The following NALF1 variants were observed in gnomAD, a reference collection of about 807,000 sequenced individuals.
NALF1 encodes the protein NALCN channel auxiliary factor 1.
Under a neutral mutation model 48.4 loss-of-function variants are expected in NALF1, and 3 were observed. The ratio of observed to expected loss-of-function variants is 0.06; its 90% CI spans 0.03 to 0.16. The LOEUF is 0.16. NALF1 is among the 10% of genes least tolerant of loss of function. The pLI is 1.00. For missense variants in NALF1, 526 were observed against 571.5 expected, an observed-to-expected ratio of 0.92 and a Z score of 0.81; for synonymous variants, 262 against 245.7, an observed-to-expected ratio of 1.07 and a Z score of -0.62.
intron 2 of NALF1, among the ~76,000 whole-genome samples, chr13:107,200,967 G>A (rs1201260083): frequency 1.3e-5 from 2 of 152,086 alleles, no homozygotes; most frequent in Non-Finnish European, 2.9e-5. Flanking sequence ...GGGGCCAGGG[G>A]GACCGAGTGA....
chr13:107,820,202 G>C (rs1027318469), intron 1 of NALF1, among the ~76,000 whole-genome samples: 11 of 152,200 alleles, frequency 7.2e-5, no homozygotes, highest in African/African-American at 2.7e-4. Context: ...GCCACAGATA[G>C]TATTCTGCAT....
chr13:107,721,979 T>C (rs79897111), intron 1 of NALF1, among the ~76,000 whole-genome samples: 2 of 152,084 alleles, frequency 1.3e-5, no homozygotes, highest in African/African-American at 2.4e-5. Flanking sequence ...TCACTGAGGG[T>C]TCCCCCCCTC....
intron 1 of NALF1, among the ~76,000 whole-genome samples, chr13:107,653,666 A>C (rs1031877591): frequency 1.9e-4 from 29 of 152,002 alleles, no homozygotes; most frequent in African/African-American, 7.0e-4. Context: ...AATCTATGAG[A>C]GATGACCTTC....
At chr13:107,721,844 T>G (rs1875995780) in intron 1 of NALF1, among the ~76,000 whole-genome samples, 1 of 152,330 alleles carries the variant, frequency 6.6e-6, no homozygotes, top group East Asian at 1.9e-4. Flanking sequence ...AGATCTGATT[T>G]CTGATGTCTG....
intron 1 of NALF1, among the ~76,000 whole-genome samples, chr13:107,711,126 C>G (rs1875577815): frequency 1.3e-5 from 2 of 152,116 alleles, no homozygotes; most frequent in African/African-American, 4.8e-5. Context: ...ACTCACAGAT[C>G]TATTTCAGAA....
intron 1 of NALF1, among the ~76,000 whole-genome samples, chr13:107,432,414 C>T (rs1036256691): frequency 3.9e-4 from 59 of 152,290 alleles, no homozygotes; most frequent in Middle Eastern, 3.4e-3. Flanking sequence ...ATCAGTGCCT[C>T]TCAACCTTGG....
intron 1 of NALF1, among the ~76,000 whole-genome samples, chr13:107,819,993 TC>T (rs1594291806): frequency 1.3e-5 from 2 of 152,178 alleles, no homozygotes; most frequent in East Asian, 3.8e-4. Flanking sequence ...GGAAGCCAAA[TC>T]CTGAAGACAA....
intron 1 of NALF1, among the ~76,000 whole-genome samples, chr13:107,732,716 C>G (rs1016673033): frequency 6.6e-6 from 1 of 152,154 alleles, no homozygotes; most frequent in Non-Finnish European, 1.5e-5. Flanking sequence ...ATAGTGAGAT[C>G]TGTAGGTTTC....
intron 1 of NALF1, among the ~76,000 whole-genome samples, chr13:107,288,545 G>A (rs1477777536): frequency 1.9e-4 from 23 of 123,876 alleles, no homozygotes; most frequent in Non-Finnish European, 3.4e-4. Flanking sequence ...TTTTTTTTGA[G>A]ATGGTGTCTC....
intron 1 of NALF1, among the ~76,000 whole-genome samples, chr13:107,675,339 C>T (rs559464741): frequency 1.3e-5 from 2 of 152,062 alleles, no homozygotes; most frequent in Non-Finnish European, 2.9e-5. Context: ...ACTGTACCTG[C>T]GCATAGATGG....
At chr13:107,230,900 G>T (rs543281626) in intron 1 of NALF1, among the ~76,000 whole-genome samples, 7 of 151,832 alleles carry the variant, frequency 4.6e-5, no homozygotes, top group African/African-American at 1.7e-4. Flanking sequence ...TCTCCACAAA[G>T]AATTCAAAAA....
At position 107,645,853 on chromosome 13, in the gene NALF1, T is replaced by C. The variant is rs1880301712; in HGVS notation, c.915+219829A>G. On this transcript the variant is annotated intron_variant, in intron 1 of 2. Coordinates refer to ENST00000375915, the MANE Select transcript of NALF1 (RefSeq NM_001080396.3). ...TTCTCCTCTCTGGGATTTTAATTTC[T>C]CATTCCCGAGTATCATAGCAAAATT... is the stretch of plus-strand genomic sequence containing the variant. Among the ~76,000 whole-genome samples the C allele has an allele frequency of 2.0e-5, 3 of 152,280 alleles. No homozygotes were observed. In the South Asian group the frequency reaches 6.2e-4, roughly 32 times the overall value.
chr13:107,782,252 G>A (rs1015088809), intron 1 of NALF1, among the ~76,000 whole-genome samples: 1 of 152,226 alleles, frequency 6.6e-6, no homozygotes, highest in Non-Finnish European at 1.5e-5. Context: ...ACGGGGTTTC[G>A]CTGTGTTGGC....
Position 107,767,389 on chromosome 13 carries a change from T to C in NALF1, c.915+98293A>G, listed in dbSNP as rs538282029. 3.3e-5 allele frequency among the ~76,000 whole-genome samples: 5 copies of C among 152,328 alleles called. No homozygotes were observed. The South Asian group carries it at 1.0e-3, about 32-fold the overall frequency. ...TGTAATTGGCAGCAAAGACCGATTG[T>C]CCCCTGCCTTGGTGTTCTGTTGCAG... is the stretch of plus-strand genomic sequence containing the variant. On this transcript the variant is annotated intron_variant, in intron 1 of 2. Coordinates refer to ENST00000375915, the MANE Select transcript of NALF1 (RefSeq NM_001080396.3).
At chr13:107,771,658 T>C (rs1348981792) in intron 1 of NALF1, among the ~76,000 whole-genome samples, 1 of 152,124 alleles carries the variant, frequency 6.6e-6, no homozygotes, top group African/African-American at 2.4e-5. Flanking sequence ...ATGTTTACTG[T>C]TAAGGGAACA....
intron 1 of NALF1, among the ~76,000 whole-genome samples, chr13:107,519,797 C>A (rs1403897123): frequency 6.6e-6 from 1 of 152,032 alleles, no homozygotes; most frequent in African/African-American, 2.4e-5. Flanking sequence ...CCAAGATTAG[C>A]AAGTAGAGAG....
chr13:107,423,783 G>A (rs989676590), intron 1 of NALF1, among the ~76,000 whole-genome samples: 2 of 152,108 alleles, frequency 1.3e-5, no homozygotes, highest in Non-Finnish European at 2.9e-5. Context: ...AAAGCATTTT[G>A]AGCTTTGGAA....
chr13:107,323,976 A>G (rs1882303773), intron 1 of NALF1, among the ~76,000 whole-genome samples: 1 of 152,068 alleles, frequency 6.6e-6, no homozygotes, highest in Non-Finnish European at 1.5e-5. Context: ...CGGCATGGTG[A>G]TGTGTGCCTG....
intron 1 of NALF1, among the ~76,000 whole-genome samples, chr13:107,786,019 G>C (rs1878060425): frequency 6.6e-6 from 1 of 152,086 alleles, no homozygotes; most frequent in Non-Finnish European, 1.5e-5. Flanking sequence ...TATGGAGAGG[G>C]CTCAGAAAGA....
Sources: allele counts gnomAD v4.1 joint callset (sites outside exome capture counted in the v4.1 genomes callset), GRCh38; gene constraint gnomAD v4.1.1; transcripts MANE v1.5; gene names NCBI Gene and HGNC (gene_info 2026-07-23, HGNC 2026-07-21).